The following UNC79 variants were observed in gnomAD, a reference collection of about 807,000 sequenced individuals.
UNC79 encodes unc-79 subunit of NALCN channel complex, also known as protein unc-79 homolog.
In UNC79, 37 loss-of-function variants were observed where a neutral mutation model predicts 283.1. The ratio of observed to expected loss-of-function variants is 0.13; its 90% confidence interval spans 0.10 to 0.17. The LOEUF (loss-of-function observed/expected upper bound fraction) is 0.17. Ranked by LOEUF, UNC79 falls within the 10% of genes least tolerant of loss-of-function variation. UNC79 has a pLI of 1.00. For missense variants in UNC79, 2,272 were observed against 3,211.1 expected (o/e 0.71, Z 7.07); for synonymous variants, 1,107 against 1,200.2 (o/e 0.92, Z 1.61).
intron 1 of UNC79, among the ~76,000 whole-genome samples, chr14:93,378,151 A>AT (rs763436024): frequency 2.0e-5 from 3 of 152,162 alleles, no homozygotes; most frequent in Non-Finnish European, 4.4e-5. Context: ...AGCTCTGGAG[A>AT]TATAAAGGAG....
At chr14:93,355,932 C>G (rs1461559410) in intron 1 of UNC79, among the ~76,000 whole-genome samples, 3 of 151,998 alleles carry the variant, frequency 2.0e-5, no homozygotes, top group African/African-American at 7.2e-5. Context: ...TAAATGTGTC[C>G]TTTGGATAAC....
chr14:93,615,720 C>CAAAAAAAAAAAA (rs1158073507), intron 27 of UNC79, among the ~76,000 whole-genome samples: 7 of 23,290 alleles, frequency 3.0e-4, no homozygotes, highest in Non-Finnish European at 6.3e-4. Context: ...GACTCCATCT[C>CAAAAAAAAAAAA]AAAAAAAAAA....
exon 1 of UNC79, chr14:93,431,020 G>A (rs2055852435): frequency 1.4e-6 from 1 of 701,664 alleles, no homozygotes; most frequent in Admixed American, 2.0e-5. Context: ...CTTTCCAACT[G>A]GACAGCACCA....
At chr14:93,581,736 C>G (rs2063831858) in intron 19 of UNC79, among the ~76,000 whole-genome samples, 1 of 152,088 alleles carries the variant, frequency 6.6e-6, no homozygotes, top group African/African-American at 2.4e-5. Flanking sequence ...TCGTGATCCG[C>G]CCACCTCGGC....
intron 30 of UNC79, among the ~76,000 whole-genome samples, chr14:93,625,112 C>T (rs569908910): frequency 1.9e-4 from 29 of 152,180 alleles, no homozygotes; most frequent in Non-Finnish European, 3.4e-4. Flanking sequence ...GAGCAAAATC[C>T]CTCACACACA....
intron 33 of UNC79, 83 bp downstream of exon 36, chr14:93,641,330 G>C: frequency 7.4e-7 from 1 of 1,352,140 alleles, no homozygotes; most frequent in Non-Finnish European, 1.0e-6. Context: ...TTCAGAAAAA[G>C]CATGCTTTGC....
chr14:93,432,720 A>G (rs1191762516), intron 1 of UNC79, among the ~76,000 whole-genome samples: 1 of 152,234 alleles, frequency 6.6e-6, no homozygotes, highest in Non-Finnish European at 1.5e-5. Context: ...GAGTCCATGT[A>G]GAACCTCCCA....
chr14:93,490,176 G>C (rs1488351832), intron 5 of UNC79, among the ~76,000 whole-genome samples: 1 of 152,122 alleles, frequency 6.6e-6, no homozygotes, highest in African/African-American at 2.4e-5. Flanking sequence ...GTGATGGGAG[G>C]GGCAGTGCAG....
At position 93,461,772 on chromosome 14, in the gene UNC79, A is replaced by C. The variant is rs143510860; in HGVS notation, c.23-5899A>C. Among the ~76,000 whole-genome samples, 604 of 152,324 alleles carry C rather than the reference A, an allele frequency of 4.0e-3. 2 individuals carry two copies. Among genetic ancestry groups the C allele is most frequent in the South Asian group, 0.012 (60 of 4,830 alleles). Reference sequence around the variant, plus strand: ...TGCTCACTACTCTGGACAAAACTGCAGAGTGTTACACAGAAAGAAATGAAG... The same window carrying C: ...TGCTCACTACTCTGGACAAAACTGCCGAGTGTTACACAGAAAGAAATGAAG... On this transcript the variant is annotated intron_variant, in intron 1 of 48. Coordinates refer to ENST00000555664, the Ensembl canonical transcript of UNC79.
At chr14:93,341,657 C>G (rs1287829632) in intron 1 of UNC79, among the ~76,000 whole-genome samples, 1 of 151,494 alleles carries the variant, frequency 6.6e-6, no homozygotes, top group East Asian at 1.9e-4. Context: ...GCCTGTGTTC[C>G]CACCTACTTG....
chr14:93,680,308 T>G (rs913173783), intron 41 of UNC79, among the ~76,000 whole-genome samples: 4 of 152,152 alleles, frequency 2.6e-5, no homozygotes, highest in African/African-American at 9.7e-5. Context: ...AAAATTTTAC[T>G]TCTTCACAAA....
chr14:93,693,761 C>T (rs1473004705), intron 46 of UNC79, among the ~76,000 whole-genome samples: 2 of 152,140 alleles, frequency 1.3e-5, no homozygotes, highest in East Asian at 3.8e-4. Context: ...GAAAATTACC[C>T]TAGTCTAATG....
intron 1 of UNC79, among the ~76,000 whole-genome samples, chr14:93,404,340 A>G (rs1431332199): frequency 6.7e-6 from 1 of 148,356 alleles, no homozygotes; most frequent in African/African-American, 2.5e-5. Context: ...AAAAAAAAAA[A>G]TTAGCCAGGC....
At chr14:93,565,965 G>A (rs1410970430) in intron 14 of UNC79, among the ~76,000 whole-genome samples, 1 of 152,178 alleles carries the variant, frequency 6.6e-6, no homozygotes, top group Non-Finnish European at 1.5e-5. Flanking sequence ...AGAAAGGAAG[G>A]AGGGAGGAAG....
rs149262198 is a variant in UNC79 at position 93,701,443 on chromosome 14, G to A, written c.7549-3182G>A. On this transcript the variant is annotated intron_variant, in intron 47 of 48. Coordinates refer to ENST00000555664, the Ensembl canonical transcript of UNC79. The stretch of plus-strand genomic sequence containing the variant: ...CAGGAAGTCTTCCATTTGTTCTGTA[G>A]CATGAACCAAGATAAGAGGAAGGGT... 3.3e-3 allele frequency among the ~76,000 whole-genome samples: 507 copies of A among 152,230 alleles called. 4 individuals carry two copies. Among genetic ancestry groups the A allele is most frequent in the African/African-American group, 0.012 (482 of 41,536 alleles).
At chr14:93,702,713 G>C (rs938055839) in intron 47 of UNC79, among the ~76,000 whole-genome samples, 3 of 152,200 alleles carry the variant, frequency 2.0e-5, no homozygotes, top group Non-Finnish European at 4.4e-5. Flanking sequence ...GTGTCCCCCA[G>C]TTTGCCCAGG....
At chr14:93,408,530 A>C (rs2055271286) in intron 1 of UNC79, among the ~76,000 whole-genome samples, 1 of 152,172 alleles carries the variant, frequency 6.6e-6, no homozygotes, top group African/African-American at 2.4e-5. Context: ...CTGTCTCTGC[A>C]AAAAATAAAA....
At chr14:93,434,950 G>T (rs1270210415) in intron 1 of UNC79, among the ~76,000 whole-genome samples, 2 of 152,098 alleles carry the variant, frequency 1.3e-5, no homozygotes, top group African/African-American at 4.8e-5. Flanking sequence ...TTACATCAAA[G>T]ATAAACAATT....
intron 1 of UNC79, among the ~76,000 whole-genome samples, chr14:93,456,971 G>A (rs1416501075): frequency 2.0e-5 from 3 of 152,160 alleles, no homozygotes; most frequent in Admixed American, 6.5e-5. Flanking sequence ...GGATGGTGGT[G>A]GAATTGGGGG....
Sources: allele counts gnomAD v4.1 joint callset (sites outside exome capture counted in the v4.1 genomes callset), GRCh38; gene constraint gnomAD v4.1.1; transcripts MANE v1.5; gene names NCBI Gene and HGNC (gene_info 2026-07-23, HGNC 2026-07-21).